FGF13: variants seen among roughly 807,000 people sequenced by gnomAD.
FGF13 encodes fibroblast growth factor 13.
Under a neutral mutation model 19.5 loss-of-function variants are expected in FGF13, and 2 were observed. The ratio of observed to expected loss-of-function variants is 0.10; its 90% CI spans 0.04 to 0.32. The LOEUF (loss-of-function observed/expected upper bound fraction) is 0.32, where lower values mean the gene tolerates loss of function less well. Ranked by LOEUF, FGF13 falls within the 10% of genes least tolerant of loss-of-function variation. The pLI is 1.00. For synonymous variants in FGF13, 72 were observed against 76.9 expected (o/e 0.94, Z 0.33); for missense variants, 113 against 192.7 (o/e 0.59, Z 2.45).
At chrX:138,834,055 G>C (rs1361540974) in intron 3 of FGF13, among the ~76,000 whole-genome samples, 1 of 111,819 alleles carries the variant, frequency 8.9e-6, no homozygotes, top group Non-Finnish European at 1.9e-5. Flanking sequence ...GCTGGATTTG[G>C]CTTGCCAGTA....
rs371897502 is a variant in FGF13, at chrX:138,678,567, T to C, written c.402+24417A>G. On this transcript the variant is annotated intron_variant, in intron 3 of 4. Coordinates refer to ENST00000315930, the MANE Select transcript of FGF13 (RefSeq NM_004114.5). ...AGAGGAAGCTACAACTGTGAGCCTATCATCATGCCCTATTTGTGCACATTT... is the reference window on the plus strand; with the variant it reads ...AGAGGAAGCTACAACTGTGAGCCTACCATCATGCCCTATTTGTGCACATTT... 3.6e-5 allele frequency among the ~76,000 whole-genome samples: 4 copies of C among 111,614 alleles called. No homozygotes were observed. The East Asian group carries it at 8.5e-4, about 24-fold the overall frequency.
intron 3 of FGF13, among the ~76,000 whole-genome samples, chrX:138,769,531 T>C (rs1043736406): frequency 1.8e-5 from 2 of 112,036 alleles, no homozygotes; most frequent in African/African-American, 6.5e-5. Context: ...ATTATAACCA[T>C]GACCATCATG....
chrX:138,867,265 A>C (rs1033572368), intron 1 of FGF13, among the ~76,000 whole-genome samples: 2 of 110,855 alleles, frequency 1.8e-5, no homozygotes, highest in Non-Finnish European at 3.8e-5. Context: ...TTAATGTAAA[A>C]AATATTAGCC....
intron 1 of FGF13, among the ~76,000 whole-genome samples, chrX:139,049,685 C>T (rs937068930): frequency 1.8e-5 from 2 of 112,557 alleles, no homozygotes; most frequent in African/African-American, 6.5e-5. Flanking sequence ...AAGTTGTCTG[C>T]CTATGCAGAT....
intron 1 of FGF13, among the ~76,000 whole-genome samples, chrX:138,945,254 C>T (rs888813684): frequency 5.4e-5 from 6 of 111,085 alleles, no homozygotes; most frequent in African/African-American, 6.5e-5. Flanking sequence ...ATGAAGACTA[C>T]GTGCGACATG....
Position 138,618,468 on chromosome X carries a change from G to T in FGF13, c.*14382C>A, listed in dbSNP as rs1392444175. 9.0e-6 allele frequency: 1 copy of T among 111,553 alleles called. No individual in the cohort carries two copies. Among genetic ancestry groups the T allele is most frequent in the Non-Finnish European group, 1.9e-5 (1 of 53,174 alleles). 9.2% of individuals were successfully genotyped at this position (111,553 alleles called of 1,213,427 possible). A position where few individuals can be genotyped will look rare whatever the true frequency, so the allele number is the denominator to read the frequency against. On this transcript the variant is annotated 3_prime_UTR_variant, in exon 5 of 5. Transcript: ENST00000315930. ...CTGTGAGCAGGGAACAGCGGTAGGGGCTCACAGCAACCAGAGACTGGAAAT... is the reference window on the plus strand; with the variant it reads ...CTGTGAGCAGGGAACAGCGGTAGGGTCTCACAGCAACCAGAGACTGGAAAT...
intron 1 of FGF13, among the ~76,000 whole-genome samples, chrX:139,004,990 G>A (rs1049784669): frequency 1.9e-4 from 21 of 112,049 alleles, no homozygotes; most frequent in Non-Finnish European, 3.8e-4. Flanking sequence ...GGGCCTAGGG[G>A]AGGTCACTGC....
Position 139,082,767 on chromosome X carries a change from G to A in FGF13, c.-113+120649C>T, listed in dbSNP as rs191305315. ...CATTATTTTAAGCCATCCAATTTGTGGTAATTTGTTATGGCCATCCTAGGA... is the reference window on the plus strand; with the variant it reads ...CATTATTTTAAGCCATCCAATTTGTAGTAATTTGTTATGGCCATCCTAGGA... On this transcript the variant is annotated intron_variant, in intron 1 of 2. Transcript: ENST00000421460. 2.8e-3 allele frequency among the ~76,000 whole-genome samples: 307 copies of A among 111,272 alleles called. 2 individuals are homozygous for A. The highest frequency in any genetic ancestry group is 4.5e-3 in the Non-Finnish European group (239 of 52,980).
intron 1 of FGF13, among the ~76,000 whole-genome samples, chrX:138,986,232 A>T (rs1332468850): frequency 8.9e-6 from 1 of 111,824 alleles, no homozygotes; most frequent in African/African-American, 3.2e-5. Context: ...GTTTGTTTTT[A>T]ATTTTTTGCC....
At chrX:139,122,166 T>A (rs1285071917) in intron 1 of FGF13, among the ~76,000 whole-genome samples, 1 of 111,509 alleles carries the variant, frequency 9.0e-6, no homozygotes, top group African/African-American at 3.3e-5. Context: ...GGAGGGGTGG[T>A]CCCTTCAGGG....
At chrX:139,005,368 T>C (rs1469134411) in intron 1 of FGF13, among the ~76,000 whole-genome samples, 1 of 111,865 alleles carries the variant, frequency 8.9e-6, no homozygotes, top group Non-Finnish European at 1.9e-5. Flanking sequence ...ACTACAGTGT[T>C]ACTTGGCTTG....
At chrX:138,662,769 G>T (rs1293349531) in intron 3 of FGF13, among the ~76,000 whole-genome samples, 4 of 111,503 alleles carry the variant, frequency 3.6e-5, no homozygotes, top group Admixed American at 1.9e-4. Context: ...AAGAAGGAGA[G>T]AATGGTTTTC....
At chrX:139,158,701 T>C (rs1187510646) in intron 1 of FGF13, among the ~76,000 whole-genome samples, 4 of 110,641 alleles carry the variant, frequency 3.6e-5, no homozygotes, top group African/African-American at 1.3e-4. Context: ...AGTAGCCAAA[T>C]CAGTCAAGCA....
At chrX:138,977,357 A>T (rs897833021) in intron 1 of FGF13, among the ~76,000 whole-genome samples, 9 of 112,462 alleles carry the variant, frequency 8.0e-5, no homozygotes, top group African/African-American at 2.9e-4. Flanking sequence ...TAGCTCTGGT[A>T]AATAGTGGGA....
chrX:138,745,551 T>C (rs1466173012), intron 3 of FGF13, among the ~76,000 whole-genome samples: 1 of 112,074 alleles, frequency 8.9e-6, no homozygotes, highest in Non-Finnish European at 1.9e-5. Context: ...GAAAGATAAA[T>C]TAAATATTTA....
chrX:138,888,052 T>C (rs1200569135), intron 1 of FGF13, among the ~76,000 whole-genome samples: 1 of 112,509 alleles, frequency 8.9e-6, no homozygotes, highest in Non-Finnish European at 1.9e-5. Context: ...TATGGTTGTT[T>C]CATTCTTCCT....
intron 1 of FGF13, among the ~76,000 whole-genome samples, chrX:139,177,859 G>C (rs1188642450): frequency 1.8e-5 from 2 of 112,291 alleles, no homozygotes; most frequent in Admixed American, 1.9e-4. Flanking sequence ...TGGTTGTTTA[G>C]GCACCCAAGG....
chrX:138,889,456 C>T (rs2124192272), intron 1 of FGF13, among the ~76,000 whole-genome samples: 1 of 111,875 alleles, frequency 8.9e-6, no homozygotes, highest in East Asian at 2.8e-4. Flanking sequence ...AAATAAAAAT[C>T]CTTTGATTTG....
chrX:138,744,496 C>T (rs1206297803), intron 3 of FGF13, among the ~76,000 whole-genome samples: 4 of 111,482 alleles, frequency 3.6e-5, no homozygotes, highest in East Asian at 5.7e-4. Context: ...CAGCACAGTG[C>T]GTGGCATTTC....
Sources: allele counts gnomAD v4.1 joint callset (sites outside exome capture counted in the v4.1 genomes callset), GRCh38; gene constraint gnomAD v4.1.1; transcripts MANE v1.5; gene names NCBI Gene and HGNC (gene_info 2026-07-23, HGNC 2026-07-21).